Variants in DBT observed in about 807,000 individuals in gnomAD.
DBT encodes the protein dihydrolipoamide branched chain transacylase E2.
In DBT, 40 loss-of-function variants were observed where a neutral mutation model predicts 51.3. That is an observed-to-expected ratio of 0.78 (90% confidence interval 0.61 to 1.02). The LOEUF is 1.02. Ranked by LOEUF, DBT falls within the 50% of genes least tolerant of loss-of-function variation. The probability of loss-of-function intolerance (pLI) is 0.00; values close to 1 mark genes in which losing one functional copy is unlikely to be tolerated. For missense variants in DBT, 510 were observed against 580.2 expected (o/e 0.88, Z 1.24); for synonymous variants, 181 against 190.4 (o/e 0.95, Z 0.41).
intron 1 of DBT, among the ~76,000 whole-genome samples, chr1:100,244,546 A>G (rs1374039494): frequency 3.3e-5 from 5 of 152,200 alleles, no homozygotes; most frequent in Admixed American, 3.3e-4. Context: ...CTATTACCGT[A>G]TTCCTCTCTT....
At chr1:100,212,531 C>G (rs774800742) in intron 7 of DBT, among the ~76,000 whole-genome samples, 5 of 150,610 alleles carry the variant, frequency 3.3e-5, no homozygotes, top group African/African-American at 4.9e-5. Flanking sequence ...CAAAGTGAAC[C>G]CTTTCTAAAA....
At position 100,195,797 on chromosome 1, in the gene DBT, T is replaced by C. The variant is rs1302242439; in HGVS notation, c.*458A>G. 2 of 177,296 alleles carry C rather than the reference T, an allele frequency of 1.1e-5. No homozygotes were observed. Among genetic ancestry groups the C allele is most frequent in the Non-Finnish European group, 2.4e-5 (2 of 83,110 alleles). The allele number at this position is 177,296 out of a possible 1,614,324, so 11.0% of individuals were successfully genotyped here. ...CTCCTGCCTCAGCCTCCCAAGTAGC[T>C]GGGATTATAGGTACCCACCACCACA... On this transcript the variant is annotated 3_prime_UTR_variant, in exon 11 of 11. Transcript: ENST00000370132.
chr1:100,216,312 T>C, intron 5 of DBT, 113 bp from the exon 6 acceptor site: 1 of 754,044 alleles, frequency 1.3e-6, no homozygotes, highest in African/African-American at 1.7e-5. Flanking sequence ...AATAAATTAG[T>C]AAAAGGAAAT....
Position 100,187,229 on chromosome 1 carries a change from A to G in DBT, c.*9026T>C, listed in dbSNP as rs1660606429. 6.6e-6 allele frequency: 1 copy of G among 152,226 alleles called. No individual in the cohort carries two copies. The highest frequency in any genetic ancestry group is 6.5e-5 in the Admixed American group (1 of 15,288). The allele number at this position is 152,226 out of a possible 1,614,324, so 9.4% of individuals were successfully genotyped here. On this transcript the variant is annotated 3_prime_UTR_variant, in exon 11 of 11. Coordinates refer to ENST00000370132, the MANE Select transcript of DBT (RefSeq NM_001918.5). ...AAACCCCAAATCGGAAGAATAGAAT[A>G]AAAGACATAAAAGTCTTTCTTCAAA...
chr1:100,206,087 A>AG, intron 10 of DBT, 143 bp downstream of exon 10: 1 of 620,250 alleles, frequency 1.6e-6, no homozygotes, highest in Non-Finnish European at 2.7e-6. Flanking sequence ...AAAAAAAAAA[A>AG]AAAGAAATAA....
chr1:100,196,465 A>T, intron 10 of DBT, 43 bp from the exon 11 acceptor site: 2 of 1,527,294 alleles, frequency 1.3e-6, no homozygotes, highest in Non-Finnish European at 1.8e-6. Context: ...AAAAAGAACA[A>T]AGAGTAAACC....
rs1223057747 is a variant in DBT at position 100,194,781 on chromosome 1, T to TAA, written c.*1473_*1474insTT. 6.6e-6 allele frequency: 1 copy of TAA among 152,226 alleles called. No individual in the cohort carries two copies. Among genetic ancestry groups the TAA allele is most frequent in the Non-Finnish European group, 1.5e-5 (1 of 68,040 alleles). 9.4% of individuals were successfully genotyped at this position (152,226 alleles called of 1,614,324 possible). ...GTTACAAGTCATCACACCTGGCTGA[T>TAA]TTATTCTTTCCTGATTTTAAAATTA... is the stretch of plus-strand genomic sequence containing the variant. On this transcript the variant is annotated 3_prime_UTR_variant, in exon 11 of 11. Transcript: ENST00000370132.
chr1:100,246,253 T>C (rs1023753836), intron 1 of DBT, among the ~76,000 whole-genome samples: 1 of 151,496 alleles, frequency 6.6e-6, no homozygotes, highest in Non-Finnish European at 1.5e-5. Context: ...TGAGACGCCG[T>C]CTCAAAAAAA....
At chr1:100,240,198 G>C (rs1664129552) in intron 2 of DBT, among the ~76,000 whole-genome samples, 1 of 152,212 alleles carries the variant, frequency 6.6e-6, no homozygotes, top group South Asian at 2.1e-4. Context: ...TCACTTGACA[G>C]ATTAAGTGCT....
rs1469159172 is a variant in DBT, at chr1:100,194,151, T to C, written c.*2104A>G. ...TGAAATTTTACAACAACAGCATTTA[T>C]TTGACCTGTTTTTTTTATTTTATTT... On this transcript the variant is annotated 3_prime_UTR_variant, in exon 11 of 11. Coordinates refer to ENST00000370132, the MANE Select transcript of DBT (RefSeq NM_001918.5). 5 of 152,132 alleles carry C rather than the reference T, an allele frequency of 3.3e-5. No individual in the cohort carries two copies. The East Asian group carries it at 9.6e-4, about 29-fold the overall frequency. 9.4% of individuals were successfully genotyped at this position (152,132 alleles called of 1,614,324 possible).
chr1:100,244,783 GTC>G (rs895724648), intron 1 of DBT, among the ~76,000 whole-genome samples: 1 of 151,940 alleles, frequency 6.6e-6, no homozygotes, highest in African/African-American at 2.4e-5. Flanking sequence ...TGTGAATGTG[GTC>G]TCTCTCTCAA....
intron 10 of DBT, among the ~76,000 whole-genome samples, 198 bp from the exon 11 acceptor site, chr1:100,196,620 A>C (rs1212329851): frequency 2.0e-5 from 3 of 152,160 alleles, no homozygotes; most frequent in African/African-American, 7.2e-5. Flanking sequence ...ATATGCCTGG[A>C]GCTTACAGAA....
intron 7 of DBT, 38 bp from the exon 8 acceptor site, chr1:100,210,809 A>C (rs781229155): frequency 5.0e-6 from 8 of 1,609,046 alleles, no homozygotes; most frequent in Non-Finnish European, 6.8e-6. Flanking sequence ...TAGTACTTTT[A>C]ACTTAGAAAG....
intron 4 of DBT, among the ~76,000 whole-genome samples, chr1:100,226,534 C>T (rs1435266597): frequency 6.6e-6 from 1 of 152,136 alleles, no homozygotes; most frequent in African/African-American, 2.4e-5. Flanking sequence ...ATTCTCCCAC[C>T]TTAGCCTCCC....
chr1:100,225,042 A>ATATAGATGT (rs1334781885), intron 4 of DBT, among the ~76,000 whole-genome samples: 1 of 45,630 alleles, frequency 2.2e-5, no homozygotes, highest in African/African-American at 6.7e-5. Context: ...AAAAAAAAAA[A>ATATAGATGT]ATATATATAT....
intron 2 of DBT, among the ~76,000 whole-genome samples, chr1:100,239,022 A>T (rs1184355636): frequency 6.6e-6 from 1 of 152,242 alleles, no homozygotes; most frequent in Non-Finnish European, 1.5e-5. Flanking sequence ...TCTAAGCAGT[A>T]TTAGAGTATG....
At chr1:100,240,652 A>G in intron 2 of DBT, 109 bp downstream of exon 2, 1 of 897,878 alleles carries the variant, frequency 1.1e-6, no homozygotes, top group Non-Finnish European at 1.8e-6. Flanking sequence ...GGCTAGAAAT[A>G]CAGAGTCAAC....
chr1:100,203,442 A>T (rs942849726), intron 10 of DBT, among the ~76,000 whole-genome samples: 2 of 152,262 alleles, frequency 1.3e-5, no homozygotes. Context: ...AAGTTCTGAA[A>T]CTGAGGTAGT....
intron 6 of DBT, among the ~76,000 whole-genome samples, 191 bp from the exon 7 acceptor site, chr1:100,215,174 C>T (rs1440093590): frequency 6.6e-6 from 1 of 152,104 alleles, no homozygotes; most frequent in Non-Finnish European, 1.5e-5. Flanking sequence ...ACACTGACTG[C>T]ATCATGACAC....
Sources: gnomAD v4.1 joint callset for allele counts (sites outside exome capture counted in the v4.1 genomes callset) on GRCh38, gnomAD v4.1.1 for gene constraint, MANE v1.5 for transcripts, NCBI Gene and HGNC (gene_info 2026-07-23, HGNC 2026-07-21) for gene names.